The following ZNF385D variants were observed in gnomAD, a reference collection of about 807,000 sequenced individuals.
ZNF385D encodes the protein zinc finger protein 385D, also known as zinc finger protein 659.
Under a neutral mutation model 35.8 loss-of-function variants are expected in ZNF385D, and 15 were observed. That is an observed-to-expected ratio of 0.42 (90% CI 0.28 to 0.64). ZNF385D has a LOEUF of 0.64. Ranked by LOEUF, ZNF385D falls within the 30% of genes least tolerant of loss-of-function variation. ZNF385D has a pLI of 0.23. For missense variants in ZNF385D, 474 were observed against 494.6 expected, an observed-to-expected ratio of 0.96 and a Z score of 0.39; for synonymous variants, 212 against 186.8, an observed-to-expected ratio of 1.13 and a Z score of -1.10.
rs143614093 is a variant in ZNF385D at position 22,140,515 on chromosome 3, T to C, written c.325+28302A>G. Among the ~76,000 whole-genome samples the C allele has an allele frequency of 3.9e-3, 589 of 152,246 alleles. 12 individuals are homozygous for C. Among genetic ancestry groups the C allele is most frequent in the African/African-American group, 0.014 (564 of 41,546 alleles). ...AATGTATCTATGTGATAAAATTTCATAGAACTATACCCCCCCAAAAACATG... is the reference window on the plus strand; with the variant it reads ...AATGTATCTATGTGATAAAATTTCACAGAACTATACCCCCCCAAAAACATG... On this transcript the variant is annotated intron_variant, in intron 3 of 5. Coordinates refer to the ZNF385D transcript ENST00000494108.
At chr3:21,665,096 T>C in intron 1 of ZNF385D, 68 bp from the exon 2 acceptor site, 1 of 1,493,440 alleles carries the variant, frequency 6.7e-7, no homozygotes. Context: ...AAAGTTGCTT[T>C]TGAGACAAAA....
intron 3 of ZNF385D, among the ~76,000 whole-genome samples, chr3:21,835,443 C>T (rs1376276262): frequency 6.6e-6 from 1 of 151,136 alleles, no homozygotes; most frequent in Admixed American, 6.6e-5. Context: ...ACAATGTTCC[C>T]TGCTGAAATA....
chr3:22,187,645 A>C (rs1041588481), intron 2 of ZNF385D, among the ~76,000 whole-genome samples: 7 of 152,174 alleles, frequency 4.6e-5, no homozygotes, highest in African/African-American at 1.7e-4. Context: ...AATAACATTT[A>C]ACATTAAACT....
In ZNF385D at chr3:21,531,141, T is replaced by A. The variant is rs374413593; in HGVS notation, c.277-20118A>T. 2.4e-4 allele frequency among the ~76,000 whole-genome samples: 37 copies of A among 152,316 alleles called. No individual in the cohort carries two copies. The South Asian group carries it at 7.7e-3, about 32-fold the overall frequency. The stretch of plus-strand genomic sequence containing the variant: ...GCAATCTTGGTACAGATTATGATAC[T>A]TTTAGGGAATTTCTACACTGTTGCT... On this transcript the variant is annotated intron_variant, in intron 3 of 7. Transcript: ENST00000281523.
chr3:22,023,788 G>T (rs1697366965), intron 3 of ZNF385D, among the ~76,000 whole-genome samples: 1 of 151,928 alleles, frequency 6.6e-6, no homozygotes, highest in South Asian at 2.1e-4. Flanking sequence ...CTTTATTATA[G>T]TCAAAGGCCA....
chr3:21,622,852 A>G (rs372105156), intron 2 of ZNF385D, among the ~76,000 whole-genome samples: 1 of 152,116 alleles, frequency 6.6e-6, no homozygotes, highest in Non-Finnish European at 1.5e-5. Context: ...TTCTTTCAAC[A>G]TGATTTATGT....
intron 2 of ZNF385D, among the ~76,000 whole-genome samples, chr3:22,318,570 T>C (rs982161436): frequency 6.6e-5 from 10 of 152,144 alleles, no homozygotes; most frequent in African/African-American, 2.2e-4. Context: ...GCTTAGTGAA[T>C]TGGTGGTCAA....
At chr3:22,351,132 A>T (rs1226620105) in intron 2 of ZNF385D, among the ~76,000 whole-genome samples, 1 of 152,150 alleles carries the variant, frequency 6.6e-6, no homozygotes, top group African/African-American at 2.4e-5. Context: ...ATGTTAATTT[A>T]AAAAAGCAAT....
At chr3:22,022,892 A>G (rs932875372) in intron 3 of ZNF385D, among the ~76,000 whole-genome samples, 7 of 152,156 alleles carry the variant, frequency 4.6e-5, no homozygotes, top group African/African-American at 1.4e-4. Context: ...TTCTTTGTAT[A>G]CTTATTTAGC....
intron 3 of ZNF385D, among the ~76,000 whole-genome samples, chr3:22,143,903 C>T (rs2125708248): frequency 6.6e-6 from 1 of 152,240 alleles, no homozygotes; most frequent in African/African-American, 2.4e-5. Flanking sequence ...ATATCTTATT[C>T]ATTTTTAATA....
At chr3:21,722,115 A>G (rs1420929846) in intron 1 of ZNF385D, among the ~76,000 whole-genome samples, 1 of 148,592 alleles carries the variant, frequency 6.7e-6, no homozygotes, top group Non-Finnish European at 1.5e-5. Flanking sequence ...AAAAAAAAAA[A>G]AAGAGGTATT....
chr3:21,663,890 AAT>A (rs66691637), intron 2 of ZNF385D, among the ~76,000 whole-genome samples: 5,795 of 64,396 alleles, frequency 0.09, 649 homozygotes, highest in Non-Finnish European at 0.13. Context: ...TTGTGGGCCG[AAT>A]ATATATATAT....
At chr3:22,249,528 A>T (rs1303584367) in intron 2 of ZNF385D, among the ~76,000 whole-genome samples, 1 of 152,182 alleles carries the variant, frequency 6.6e-6, no homozygotes, top group African/African-American at 2.4e-5. Flanking sequence ...ATTTTAAAAA[A>T]CTTATGTAAA....
At chr3:21,775,663 G>T (rs1374449065) in intron 3 of ZNF385D, among the ~76,000 whole-genome samples, 5 of 151,756 alleles carry the variant, frequency 3.3e-5, no homozygotes, top group Non-Finnish European at 7.4e-5. Context: ...ATAGATGTTT[G>T]TTGTTTTTGT....
intron 3 of ZNF385D, among the ~76,000 whole-genome samples, chr3:21,941,914 C>T (rs908871719): frequency 1.3e-5 from 2 of 152,166 alleles, no homozygotes; most frequent in African/African-American, 4.8e-5. Flanking sequence ...CTTCCTCATT[C>T]ATAGCCTTAG....
At position 21,494,418 on chromosome 3, in the gene ZNF385D, C is replaced by T. The variant is rs184351805; in HGVS notation, c.439+16443G>A. 1.3e-3 allele frequency among the ~76,000 whole-genome samples: 204 copies of T among 152,178 alleles called. 1 individual carries two copies. The highest frequency in any genetic ancestry group is 5.6e-3 in the Admixed American group (86 of 15,264). On this transcript the variant is annotated intron_variant, in intron 4 of 7. Transcript: ENST00000281523. ...GGTTCTGTAAAATGAAAGGAACTAC[C>T]TTGAGTAATATAGCAGACATGGTGA...
intron 3 of ZNF385D, among the ~76,000 whole-genome samples, chr3:22,040,338 G>C (rs557139071): frequency 5.9e-5 from 9 of 152,052 alleles, no homozygotes; most frequent in East Asian, 1.9e-4. Context: ...TTTAAGGAAG[G>C]TTTGGTTATT....
At chr3:21,518,618 G>T (rs1707724677) in intron 3 of ZNF385D, among the ~76,000 whole-genome samples, 1 of 152,112 alleles carries the variant, frequency 6.6e-6, no homozygotes, top group African/African-American at 2.4e-5. Context: ...TTTGCATTAA[G>T]CTGAGTTAGT....
At chr3:22,137,377 A>C (rs948932929) in intron 3 of ZNF385D, among the ~76,000 whole-genome samples, 5 of 152,160 alleles carry the variant, frequency 3.3e-5, no homozygotes, top group Admixed American at 3.3e-4. Context: ...AAAAAAGAGA[A>C]TTTTAGACCA....
Sources: gnomAD v4.1 joint callset for allele counts (sites outside exome capture counted in the v4.1 genomes callset) on GRCh38, gnomAD v4.1.1 for gene constraint, MANE v1.5 for transcripts, NCBI Gene and HGNC (gene_info 2026-07-23, HGNC 2026-07-21) for gene names.